TBX15: variants seen among roughly 807,000 people sequenced by gnomAD.
The protein encoded by TBX15 is T-box transcription factor 15, also known as T-box transcription factor TBX15.
A neutral mutation model predicts 53.9 loss-of-function variants in TBX15; 18 were observed. The observed-to-expected ratio is 0.33, with a 90% CI of 0.23 to 0.49. The LOEUF (loss-of-function observed/expected upper bound fraction) is 0.49, where lower values mean the gene tolerates loss of function less well. Ranked by LOEUF, TBX15 falls within the 20% of genes least tolerant of loss-of-function variation. The probability of loss-of-function intolerance (pLI) is 0.98; values close to 1 mark genes in which losing one functional copy is unlikely to be tolerated. For synonymous variants in TBX15, 295 were observed against 278.0 expected, an observed-to-expected ratio of 1.06 and a Z score of -0.61; for missense variants, 692 against 749.5, an observed-to-expected ratio of 0.92 and a Z score of 0.90.
chr1:118,978,828 C>T (rs948929449), intron 1 of TBX15, among the ~76,000 whole-genome samples: 5 of 152,136 alleles, frequency 3.3e-5, no homozygotes, highest in Non-Finnish European at 5.9e-5. Flanking sequence ...CCCCTCCCAC[C>T]CTTTGATGCC....
chr1:118,904,494 C>T (rs1230292785), intron 6 of TBX15, among the ~76,000 whole-genome samples: 3 of 152,140 alleles, frequency 2.0e-5, no homozygotes, highest in African/African-American at 7.2e-5. Context: ...TTAAATAGTA[C>T]CATAAGTATA....
At chr1:118,888,876 T>C (rs1025234163) in intron 7 of TBX15, among the ~76,000 whole-genome samples, 1 of 151,618 alleles carries the variant, frequency 6.6e-6, no homozygotes, top group Non-Finnish European at 1.5e-5. Flanking sequence ...GAAGGAATGG[T>C]ACTGATTTAA....
chr1:118,926,709 T>C lies in TBX15; in HGVS notation c.420-98A>G. On this transcript the variant is annotated intron_variant, in intron 2 of 7. Coordinates refer to ENST00000369429, the MANE Select transcript of TBX15 (RefSeq NM_001330677.2). The stretch of plus-strand genomic sequence containing the variant: ...TGTGGGTTTTTTTGTTTGTTTGTTT[T>C]CTTGTTTGTTTTTTGAGATGGAGTC... 3 of 1,096,854 alleles carry C rather than the reference T, an allele frequency of 2.7e-6. No homozygotes were observed. The South Asian group carries it at 4.0e-5, about 15-fold the overall frequency. 67.9% of individuals were successfully genotyped at this position (1,096,854 alleles called of 1,614,324 possible).
intron 1 of TBX15, among the ~76,000 whole-genome samples, chr1:118,979,809 A>G (rs1657585083): frequency 1.3e-5 from 2 of 151,892 alleles, no homozygotes; most frequent in South Asian, 4.2e-4. Context: ...CCCCGCGATA[A>G]CCCCGGGCGC....
chr1:118,917,818 C>T lies in TBX15; in HGVS notation c.862-3639G>A, dbSNP rs187925743. ...TGGACCATGTCATTCTCTTTAGTGG[C>T]CACTACCGCTCAGAATTTAATCCAA... On this transcript the variant is annotated intron_variant, in intron 5 of 7. Coordinates refer to ENST00000369429, the MANE Select transcript of TBX15 (RefSeq NM_001330677.2). Among the ~76,000 whole-genome samples the T allele has an allele frequency of 1.5e-4, 23 of 152,242 alleles. 4 individuals are homozygous for T. The highest frequency in any genetic ancestry group is 5.5e-4 in the African/African-American group (23 of 41,550).
At chr1:118,958,889 G>C (rs1656776779) in intron 1 of TBX15, among the ~76,000 whole-genome samples, 1 of 152,292 alleles carries the variant, frequency 6.6e-6, no homozygotes, top group African/African-American at 2.4e-5. Flanking sequence ...GGCTGGAATA[G>C]TAAATGAGAA....
chr1:118,921,118 G>T (rs1205959088), intron 5 of TBX15, among the ~76,000 whole-genome samples: 1 of 152,082 alleles, frequency 6.6e-6, no homozygotes, highest in Non-Finnish European at 1.5e-5. Context: ...GGCCAGGGCT[G>T]CAGTGAGCCA....
intron 6 of TBX15, among the ~76,000 whole-genome samples, chr1:118,906,140 C>T (rs1463507880): frequency 3.9e-5 from 6 of 152,262 alleles, no homozygotes; most frequent in African/African-American, 1.4e-4. Context: ...TGCTTGTATA[C>T]TTATGATTTG....
chr1:118,914,116 T>C lies in TBX15; in HGVS notation c.925A>G (p.Arg309Gly). The C allele has an allele frequency of 1.2e-6, 2 of 1,613,766 alleles. No homozygotes were observed. The highest frequency in any genetic ancestry group is 1.7e-4 in the Middle Eastern group (1 of 6,058). The change falls in exon 6 of 8, where the codon AGA becomes GGA. Residue 309 changes from arginine to glycine, a missense_variant and splice_region_variant. Physicochemically the swap from Arg to Gly is moderately radical, Grantham distance 125. Transcript: ENST00000369429. ...AKGFRDSGRNRTGLEAIMETY... is the reference protein window; with the variant it reads ...AKGFRDSGRNGTGLEAIMETY... ...TGCCTCTTCCCCAGTGATTCTTACC[T>C]GTTTCTCCCAGAATCTCTGAATCCT...
intron 5 of TBX15, among the ~76,000 whole-genome samples, chr1:118,914,744 T>C (rs1440346506): frequency 6.6e-6 from 1 of 152,140 alleles, no homozygotes; most frequent in Middle Eastern, 3.2e-3. Context: ...TGACTTGAAA[T>C]GTTCATGTAG....
intron 7 of TBX15, among the ~76,000 whole-genome samples, chr1:118,890,632 T>C (rs1654106889): frequency 6.6e-6 from 1 of 152,206 alleles, no homozygotes; most frequent in South Asian, 2.1e-4. Flanking sequence ...ACCTAGAATA[T>C]ACTTGTTTTT....
At chr1:118,916,310 G>A (rs1231220405) in intron 5 of TBX15, among the ~76,000 whole-genome samples, 1 of 152,204 alleles carries the variant, frequency 6.6e-6, no homozygotes, top group East Asian at 1.9e-4. Flanking sequence ...GGGGTTTCAT[G>A]TTAGAGACAG....
intron 1 of TBX15, among the ~76,000 whole-genome samples, chr1:118,961,805 A>G (rs1656885672): frequency 6.6e-6 from 1 of 152,150 alleles, no homozygotes; most frequent in African/African-American, 2.4e-5. Context: ...TCTGAGGGGA[A>G]TGCAAAGATG....
intron 1 of TBX15, among the ~76,000 whole-genome samples, chr1:118,959,668 C>T (rs889748046): frequency 6.6e-6 from 1 of 152,174 alleles, no homozygotes; most frequent in Non-Finnish European, 1.5e-5. Flanking sequence ...TACTCCAGCC[C>T]CCTAATTCAT....
At chr1:118,944,002 C>T (rs1656268197) in intron 1 of TBX15, among the ~76,000 whole-genome samples, 2 of 152,142 alleles carry the variant, frequency 1.3e-5, no homozygotes, top group African/African-American at 2.4e-5. Flanking sequence ...ACCCTAAAAT[C>T]AAATGCTTTG....
At position 118,901,367 on chromosome 1, in the gene TBX15, G is replaced by A. The variant is rs150536884; in HGVS notation, c.927-2242C>T. ...TCCTGTGTTAATTAGCCATTCATGG[G>A]GCACAGCTCTCAGAGCCTAATCACC... On this transcript the variant is annotated intron_variant, in intron 6 of 7. Transcript: ENST00000369429. 6.9e-4 allele frequency: 315 copies of A among 456,502 alleles called. 2 individuals carry two copies. The highest frequency in any genetic ancestry group is 5.4e-3 in the African/African-American group (270 of 50,142). 28.3% of individuals were successfully genotyped at this position (456,502 alleles called of 1,614,324 possible). A position where few individuals can be genotyped will look rare whatever the true frequency, so the allele number is the denominator to read the frequency against.
chr1:118,944,442 C>A (rs1273194208), intron 1 of TBX15, among the ~76,000 whole-genome samples: 1 of 152,220 alleles, frequency 6.6e-6, no homozygotes, highest in East Asian at 1.9e-4. Flanking sequence ...TGGTCAACAT[C>A]TTGGCTTCAA....
At chr1:118,956,788 TA>T (rs11360379) in intron 1 of TBX15, among the ~76,000 whole-genome samples, 88,948 of 146,840 alleles carry the variant, frequency 0.61, 26,623 homozygotes, top group East Asian at 0.79. Context: ...CCGTTTCTAC[TA>T]AAAAAAAAAA....
intron 1 of TBX15, among the ~76,000 whole-genome samples, chr1:118,952,719 T>C (rs572588212): frequency 6.6e-6 from 1 of 152,212 alleles, no homozygotes; most frequent in East Asian, 1.9e-4. Context: ...CTAGCCATAG[T>C]AGTTTTGACC....
Sources: allele counts gnomAD v4.1 joint callset (sites outside exome capture counted in the v4.1 genomes callset), GRCh38; gene constraint gnomAD v4.1.1; transcripts MANE v1.5; gene names NCBI Gene and HGNC (gene_info 2026-07-23, HGNC 2026-07-21).